PIWIL3: variants seen among roughly 807,000 people sequenced by gnomAD.
PIWIL3 encodes the protein piwi-like protein 3.
In PIWIL3, 101 loss-of-function variants were observed where a neutral mutation model predicts 109.7. The observed-to-expected ratio is 0.92, with a 90% CI of 0.78 to 1.09. The LOEUF (loss-of-function observed/expected upper bound fraction) is 1.09. Ranked by LOEUF, PIWIL3 falls within the 50% of genes least tolerant of loss-of-function variation. The pLI, the probability that PIWIL3 is intolerant of heterozygous loss-of-function variation, is 0.00. For synonymous variants in PIWIL3, 373 were observed against 376.4 expected (o/e 0.99, Z 0.10); for missense variants, 1,031 against 1,072.6 (o/e 0.96, Z 0.54).
At chr22:24,770,680 C>A (rs28397637) in intron 1 of PIWIL3, among the ~76,000 whole-genome samples, 2,331 of 92,590 alleles carry the variant, frequency 0.025, 35 homozygotes, top group African/African-American at 0.071. Context: ...AAAAAAAAAA[C>A]AAAAATTAGC....
At chr22:24,760,870 G>T (rs1925395890) in intron 2 of PIWIL3, among the ~76,000 whole-genome samples, 1 of 151,446 alleles carries the variant, frequency 6.6e-6, no homozygotes, top group Non-Finnish European at 1.5e-5. Context: ...TTGGGAACAG[G>T]CTGAGAGACA....
chr22:24,750,482 AT>A (rs1241174453), intron 9 of PIWIL3, among the ~76,000 whole-genome samples: 1 of 114,296 alleles, frequency 8.7e-6, no homozygotes, highest in Admixed American at 1.0e-4. Context: ...ACCACATTTG[AT>A]TTTTTTTCTT....
At position 24,761,943 on chromosome 22, in the gene PIWIL3, C is replaced by T. The variant is rs9620433; in HGVS notation, c.102+455G>A. ...CCCTGGAGGTTGTCAGATGGGGCCC[C>T]GCAGCGCCACTATGGATCCTGCTGT... is the stretch of plus-strand genomic sequence containing the variant. On this transcript the variant is annotated intron_variant, in intron 2 of 20. Transcript: ENST00000616349. The T allele has an allele frequency of 2.1e-4, 209 of 986,182 alleles. 1 individual carries two copies. In the South Asian group the frequency reaches 8.4e-3, roughly 40 times the overall value. The allele number at this position is 986,182 out of a possible 1,614,324, so 61.1% of individuals were successfully genotyped here.
intron 12 of PIWIL3, among the ~76,000 whole-genome samples, chr22:24,744,178 T>TTAAAAAAAGAAAAAAAAAAAA (rs1924180538): frequency 2.9e-5 from 1 of 34,306 alleles, no homozygotes; most frequent in Non-Finnish European, 5.7e-5. Context: ...GTGACCGAAT[T>TTAAAAAAAGAAAAAAAAAAAA]AAAAAAAAAA....
At chr22:24,728,766 T>C (rs1464547625) in intron 14 of PIWIL3, among the ~76,000 whole-genome samples, 1 of 152,210 alleles carries the variant, frequency 6.6e-6, no homozygotes, top group Non-Finnish European at 1.5e-5. Flanking sequence ...AAGCCTGCAA[T>C]ATCATTTCCA....
chr22:24,736,350 G>C (rs145669974), intron 12 of PIWIL3, among the ~76,000 whole-genome samples: 12 of 152,342 alleles, frequency 7.9e-5, no homozygotes, highest in African/African-American at 2.9e-4. Context: ...TGGTGAATCA[G>C]TCTTAGTGCA....
At chr22:24,757,659 TACACACACACACACACAC>T (rs57298578) in intron 4 of PIWIL3, among the ~76,000 whole-genome samples, 5 of 109,886 alleles carry the variant, frequency 4.6e-5, no homozygotes, top group African/African-American at 9.6e-5. Context: ...ATGTATATAT[TACACACACACACACACAC>T]ACACACACAC....
chr22:24,723,054 G>T lies in PIWIL3; in HGVS notation c.2357+76C>A, dbSNP rs1922769093. The T allele has an allele frequency of 2.0e-6, 3 of 1,482,724 alleles. No homozygotes were observed. The Admixed American group carries it at 5.6e-5, about 28-fold the overall frequency. 91.8% of individuals were successfully genotyped at this position (1,482,724 alleles called of 1,614,324 possible). ...GCAGTGCTTTAAGGTAAAGTTATTG[G>T]AATTAAGTGATTGTGCTGAACTGAA... On this transcript the variant is annotated intron_variant, in intron 19 of 20. Transcript: ENST00000616349.
chr22:24,728,306 T>C lies in PIWIL3; in HGVS notation c.1776A>G (p.Lys592=), dbSNP rs1923116056. The change falls in exon 15 of 21, where the codon AAA becomes AAG. Residue 592 remains lysine (K), a synonymous_variant. Coordinates refer to ENST00000616349, the MANE Select transcript of PIWIL3 (RefSeq NM_001255975.1). ...CCACACACTGGCTTGGAATTGGGCA[T>C]TTGGTACATAGGTATCTTTTTATGC... ...YDSIKRYLCT[K]CPIPSQCVVK... 6.2e-7 allele frequency: 1 copy of C among 1,614,216 alleles called. No individual in the cohort carries two copies.
intron 19 of PIWIL3, among the ~76,000 whole-genome samples, chr22:24,722,524 C>T (rs1362586646): frequency 6.6e-6 from 1 of 152,022 alleles, no homozygotes; most frequent in Non-Finnish European, 1.5e-5. Context: ...ACCAGCCTGG[C>T]CAACACGGTG....
At position 24,774,353 on chromosome 22, in the gene PIWIL3, A is replaced by C. The variant is rs1212412220; in HGVS notation, c.-54T>G. 1.3e-5 allele frequency: 2 copies of C among 152,162 alleles called. No homozygotes were observed. Among genetic ancestry groups the C allele is most frequent in the African/African-American group, 4.8e-5 (2 of 41,410 alleles). 9.4% of individuals were successfully genotyped at this position (152,162 alleles called of 1,614,324 possible). A position where few individuals can be genotyped will look rare whatever the true frequency, so the allele number is the denominator to read the frequency against. On this transcript the variant is annotated 5_prime_UTR_variant, in exon 1 of 21. It removes the in-frame stop codon of an upstream open reading frame in the 5' UTR. Coordinates refer to ENST00000616349, the MANE Select transcript of PIWIL3 (RefSeq NM_001255975.1). ...GGTCACATATTTCCTTAGAAGCTTC[A>C]GTAGTCAGATCCTGATACGAACCAT... is the stretch of plus-strand genomic sequence containing the variant.
At chr22:24,757,673 C>G (rs1925159036) in intron 4 of PIWIL3, among the ~76,000 whole-genome samples, 1 of 133,684 alleles carries the variant, frequency 7.5e-6, no homozygotes, top group African/African-American at 2.7e-5. Flanking sequence ...CACACACACA[C>G]ACACACACAC....
chr22:24,727,487 A>T lies in PIWIL3; in HGVS notation c.2009+463T>A, dbSNP rs367892569. Among the ~76,000 whole-genome samples the T allele has an allele frequency of 2.1e-3, 315 of 152,310 alleles. 2 individuals carry two copies. Among genetic ancestry groups the T allele is most frequent in the African/African-American group, 7.4e-3 (307 of 41,572 alleles). ...ACTGGCCTGCAGCTGACGGTCAACA[A>T]CAACAACAACAAACAACAACAACAA... On this transcript the variant is annotated intron_variant, in intron 16 of 20. Coordinates refer to ENST00000616349, the MANE Select transcript of PIWIL3 (RefSeq NM_001255975.1).
rs1924926507 is a variant in PIWIL3 at position 24,754,810 on chromosome 22, C to T, written c.747G>A (p.Lys249=). The change falls in exon 7 of 21, where the codon AAG becomes AAA. Residue 249 remains lysine, a synonymous_variant. Transcript: ENST00000616349. ...EQVGRNYYTK[K]KAIQLYRHGT... ...CATGACGGTATAACTGAATGGCCTTCTTTTTGGTATAATAGTTGCGACCAA... is the reference window on the plus strand; with the variant it reads ...CATGACGGTATAACTGAATGGCCTTTTTTTTGGTATAATAGTTGCGACCAA... 1.9e-6 allele frequency: 3 copies of T among 1,611,970 alleles called. No homozygotes were observed. The highest frequency in any genetic ancestry group is 1.7e-6 in the Non-Finnish European group (2 of 1,178,202).
At chr22:24,725,313 C>T in intron 17 of PIWIL3, 132 bp downstream of exon 17, 1 of 1,111,460 alleles carries the variant, frequency 9.0e-7, no homozygotes, top group Middle Eastern at 2.1e-4. Flanking sequence ...ATGCCAGTAG[C>T]ACCTCCACCC....
intron 12 of PIWIL3, among the ~76,000 whole-genome samples, chr22:24,737,604 C>T (rs747683902): frequency 1.3e-5 from 2 of 152,306 alleles, no homozygotes; most frequent in African/African-American, 4.8e-5. Context: ...CCTTAGGTGC[C>T]ATCTCAGCCA....
At position 24,768,784 on chromosome 22, in the gene PIWIL3, C is replaced by A. The variant is rs1925949880; in HGVS notation, c.-23+5538G>T. ...TTTCTGTTCCTCTTCTAGGGGCTGACAGCTTGGACAATAGTTTCTCAGAAA... is the reference window on the plus strand; with the variant it reads ...TTTCTGTTCCTCTTCTAGGGGCTGAAAGCTTGGACAATAGTTTCTCAGAAA... On this transcript the variant is annotated intron_variant, in intron 1 of 20. Transcript: ENST00000616349. 2.0e-5 allele frequency among the ~76,000 whole-genome samples: 3 copies of A among 152,206 alleles called. No individual in the cohort carries two copies. In the South Asian group the frequency reaches 6.2e-4, roughly 32 times the overall value.
At position 24,719,179 on chromosome 22, in the gene PIWIL3, G is replaced by C. The variant is rs532341403; in HGVS notation, c.*293C>G. ...GAATGCCCCATCTTTTCAATTCTTA[G>C]AGTGGCCCTGCTTGGGGTGGAAAAT... On this transcript the variant is annotated 3_prime_UTR_variant, in exon 21 of 21. Coordinates refer to ENST00000616349, the MANE Select transcript of PIWIL3 (RefSeq NM_001255975.1). 5.7e-6 allele frequency: 1 copy of C among 176,036 alleles called. No individual in the cohort carries two copies. Among genetic ancestry groups the C allele is most frequent in the South Asian group, 1.9e-4 (1 of 5,324 alleles). 10.9% of individuals were successfully genotyped at this position (176,036 alleles called of 1,614,324 possible).
chr22:24,745,054 A>C (rs940855810), intron 12 of PIWIL3, among the ~76,000 whole-genome samples: 5 of 152,334 alleles, frequency 3.3e-5, no homozygotes, highest in Non-Finnish European at 7.4e-5. Context: ...CAAAACTAGA[A>C]ATCAAAAACG....
Sources: allele counts gnomAD v4.1 joint callset (sites outside exome capture counted in the v4.1 genomes callset), GRCh38; gene constraint gnomAD v4.1.1; transcripts MANE v1.5; gene names NCBI Gene and HGNC (gene_info 2026-07-23, HGNC 2026-07-21).